Variants in MNAT1 observed in about 807,000 individuals in gnomAD.
The protein encoded by MNAT1 is CDK-activating kinase assembly factor MAT1.
In MNAT1, 43 loss-of-function variants were observed where a neutral mutation model predicts 42.0. The observed-to-expected ratio is 1.02, with a 90% CI of 0.80 to 1.32. MNAT1 has a LOEUF of 1.32. MNAT1 is among the 40% of genes most tolerant of loss of function. The probability of loss-of-function intolerance (pLI) is 0.00; values close to 1 mark genes in which losing one functional copy is unlikely to be tolerated. For synonymous variants in MNAT1, 118 were observed against 120.0 expected, an observed-to-expected ratio of 0.98 and a Z score of 0.11; for missense variants, 306 against 350.4, an observed-to-expected ratio of 0.87 and a Z score of 1.01.
At chr14:60,925,292 G>A (rs1011135796) in intron 7 of MNAT1, among the ~76,000 whole-genome samples, 4 of 152,138 alleles carry the variant, frequency 2.6e-5, no homozygotes, top group Non-Finnish European at 4.4e-5. Context: ...ATATGCACAG[G>A]TTATATGGAA....
At chr14:60,780,617 T>C in intron 1 of MNAT1, 2 of 1,295,748 alleles carry the variant, frequency 1.5e-6, no homozygotes, top group Non-Finnish European at 2.2e-6. Flanking sequence ...GGAAATAATG[T>C]AATTGTAATT....
At chr14:60,936,094 AC>A (rs1178534882) in intron 7 of MNAT1, among the ~76,000 whole-genome samples, 3 of 151,992 alleles carry the variant, frequency 2.0e-5, no homozygotes, top group Non-Finnish European at 4.4e-5. Context: ...TGGTGGCTCC[AC>A]CCCGTTCCCC....
At chr14:60,898,095 T>TTGTGTG (rs756357048) in intron 7 of MNAT1, among the ~76,000 whole-genome samples, 257 of 143,768 alleles carry the variant, frequency 1.8e-3, no homozygotes, top group African/African-American at 6.5e-3. Context: ...TAGTAATACA[T>TTGTGTG]TGTGTGTGTG....
intron 7 of MNAT1, among the ~76,000 whole-genome samples, chr14:60,903,767 C>T (rs2035123418): frequency 6.6e-6 from 1 of 151,144 alleles, no homozygotes; most frequent in Non-Finnish European, 1.5e-5. Context: ...TCGTCTTTAC[C>T]TTATAATATT....
chr14:60,819,763 A>G (rs1245654816), intron 6 of MNAT1, among the ~76,000 whole-genome samples: 1 of 152,142 alleles, frequency 6.6e-6, no homozygotes, highest in Non-Finnish European at 1.5e-5. Flanking sequence ...TCAACAACCC[A>G]TTTATCCAGC....
chr14:60,853,304 G>T (rs757449367), intron 6 of MNAT1, among the ~76,000 whole-genome samples: 1 of 152,022 alleles, frequency 6.6e-6, no homozygotes, highest in Non-Finnish European at 1.5e-5. Context: ...TCTATTTGTA[G>T]CAATTGTGAA....
intron 1 of MNAT1, among the ~76,000 whole-genome samples, chr14:60,746,963 C>T (rs1896650364): frequency 4.5e-5 from 2 of 44,626 alleles, no homozygotes; most frequent in Non-Finnish European, 1.3e-4. Context: ...CACACACACA[C>T]ACACACACAC....
At chr14:60,959,667 G>A (rs1010691232) in intron 7 of MNAT1, among the ~76,000 whole-genome samples, 1 of 152,216 alleles carries the variant, frequency 6.6e-6, no homozygotes, top group Admixed American at 6.5e-5. Context: ...TTTTCTTCCA[G>A]TGTATTGCTG....
At chr14:60,814,635 A>G (rs1378223817) in intron 5 of MNAT1, among the ~76,000 whole-genome samples, 1 of 152,196 alleles carries the variant, frequency 6.6e-6, no homozygotes, top group African/African-American at 2.4e-5. Flanking sequence ...AGGAGTAAAA[A>G]AAGAGAAAGC....
chr14:60,869,358 A>T (rs2034279583), intron 6 of MNAT1, among the ~76,000 whole-genome samples: 1 of 151,870 alleles, frequency 6.6e-6, no homozygotes, highest in African/African-American at 2.4e-5. Flanking sequence ...TTATATTTTT[A>T]TATTATTCGT....
chr14:60,812,075 A>T lies in MNAT1; in HGVS notation c.509A>T (p.Gln170Leu). The T allele has an allele frequency of 6.2e-7, 1 of 1,602,276 alleles. No homozygotes were observed. The highest frequency in any genetic ancestry group is 8.5e-7 in the Non-Finnish European group (1 of 1,175,356). The change falls in exon 5 of 8, where the codon CAA becomes CTA. Residue 170 changes from glutamine to leucine, a missense_variant. Around this residue, in one of 3 missense-constraint regions of MNAT1, gnomAD observed 118 missense variants for 99.8 expected, o/e 1.18. Coordinates refer to ENST00000261245, the MANE Select transcript of MNAT1 (RefSeq NM_002431.4). Reference protein sequence around the residue: ...QRRLFIQKEEQLQQILKRKNK... With the variant: ...QRRLFIQKEELLQQILKRKNK... The stretch of plus-strand genomic sequence containing the variant: ...AGATTATTTATACAAAAAGAAGAAC[A>T]ACTGCAGCAGATTCTAAAAAGGAAG...
chr14:60,782,026 A>G (rs1387086975), intron 1 of MNAT1, among the ~76,000 whole-genome samples: 4 of 138,322 alleles, frequency 2.9e-5, no homozygotes, highest in African/African-American at 8.2e-5. Context: ...GTGTGCTGTT[A>G]TGTTGGTGGT....
intron 1 of MNAT1, among the ~76,000 whole-genome samples, chr14:60,794,776 A>G (rs2031959356): frequency 6.6e-6 from 1 of 150,820 alleles, no homozygotes; most frequent in Non-Finnish European, 1.5e-5. Flanking sequence ...TAACCTTAAA[A>G]ATTCTTATTT....
chr14:60,805,638 A>G (rs1461094138), intron 3 of MNAT1, among the ~76,000 whole-genome samples: 3 of 152,174 alleles, frequency 2.0e-5, no homozygotes. Context: ...CCAGAATGTT[A>G]TATAGTTGGA....
At chr14:60,912,962 C>G (rs2035411136) in intron 7 of MNAT1, among the ~76,000 whole-genome samples, 1 of 152,226 alleles carries the variant, frequency 6.6e-6, no homozygotes, top group South Asian at 2.1e-4. Flanking sequence ...TTCAGGTACA[C>G]CAATTAGATG....
intron 4 of MNAT1, 34 bp from the exon 5 acceptor site, chr14:60,811,953 T>C: frequency 6.5e-7 from 1 of 1,529,310 alleles, no homozygotes; most frequent in Non-Finnish European, 8.7e-7. Flanking sequence ...GGCTCCTAAA[T>C]TTATTCCACG....
At chr14:60,737,103 T>C (rs1037041340) in intron 1 of MNAT1, among the ~76,000 whole-genome samples, 2 of 152,152 alleles carry the variant, frequency 1.3e-5, no homozygotes, top group African/African-American at 4.8e-5. Context: ...AAGAAGTACT[T>C]TAATCTAGGC....
chr14:60,889,820 C>T (rs534951204), intron 7 of MNAT1, among the ~76,000 whole-genome samples: 10 of 152,284 alleles, frequency 6.6e-5, no homozygotes, highest in South Asian at 2.1e-4. Flanking sequence ...CAAAAGAAGA[C>T]GTTTATGCAG....
chr14:60,746,819 A>G, intron 1 of MNAT1, among the ~76,000 whole-genome samples: 2 of 144,498 alleles, frequency 1.4e-5, no homozygotes, highest in Non-Finnish European at 1.5e-5. Context: ...CAAGATATTT[A>G]CTAATTATAT....
Sources: gnomAD v4.1 joint callset for allele counts (sites outside exome capture counted in the v4.1 genomes callset) on GRCh38, gnomAD v4.1.1 for gene constraint, gnomAD v4.1.1 regional missense constraint, MANE v1.5 for transcripts, NCBI Gene and HGNC (gene_info 2026-07-23, HGNC 2026-07-21) for gene names.